The following SULT1B1 variants were observed in gnomAD, a reference collection of about 807,000 sequenced individuals.
The protein encoded by SULT1B1 is sulfotransferase family 1B member 1, also known as sulfotransferase 1B1.
Under a neutral mutation model 34.6 loss-of-function variants are expected in SULT1B1, and 28 were observed. The ratio of observed to expected loss-of-function variants is 0.81; its 90% CI spans 0.60 to 1.11. SULT1B1 has a LOEUF of 1.11. SULT1B1 is among the 50% of genes least tolerant of loss of function. The pLI is 0.00. For synonymous variants in SULT1B1, 147 were observed against 110.2 expected (o/e 1.33, Z -2.09); for missense variants, 374 against 352.2 (o/e 1.06, Z -0.50).
At chr4:69,758,512 C>T (rs776439678) in intron 1 of SULT1B1, 2 of 976,300 alleles carry the variant, frequency 2.0e-6, no homozygotes, top group Non-Finnish European at 2.4e-6. Context: ...ATCAATGGCA[C>T]ACCTCATTTC....
chr4:69,739,465 G>T (rs1354514106), intron 4 of SULT1B1, among the ~76,000 whole-genome samples: 1 of 152,212 alleles, frequency 6.6e-6, no homozygotes, highest in Non-Finnish European at 1.5e-5. Flanking sequence ...AGCCCAAGCT[G>T]TACATTGGCC....
intron 4 of SULT1B1, among the ~76,000 whole-genome samples, chr4:69,735,701 G>GA (rs1225238665): frequency 6.6e-6 from 1 of 152,098 alleles, no homozygotes. Context: ...AAATAAGCAA[G>GA]AAAAACAAAA....
At chr4:69,754,611 A>G in intron 3 of SULT1B1, 59 bp downstream of exon 3, 1 of 1,527,252 alleles carries the variant, frequency 6.5e-7, no homozygotes, top group Non-Finnish European at 8.9e-7. Context: ...CACATACAAT[A>G]ATGCATATGC....
At chr4:69,758,768 G>A (rs918088007) in intron 1 of SULT1B1, among the ~76,000 whole-genome samples, 2 of 151,978 alleles carry the variant, frequency 1.3e-5, no homozygotes, top group African/African-American at 4.8e-5. Flanking sequence ...ATCATTTCTG[G>A]TTCCATTTCA....
chr4:69,755,387 G>C (rs1719151041), intron 1 of SULT1B1, 126 bp from the exon 2 acceptor site: 3 of 656,626 alleles, frequency 4.6e-6, no homozygotes, highest in Non-Finnish European at 7.5e-6. Context: ...AAGTACAAAG[G>C]GCATATTTTG....
chr4:69,746,939 T>A (rs1718770943), intron 4 of SULT1B1, among the ~76,000 whole-genome samples: 1 of 152,220 alleles, frequency 6.6e-6, no homozygotes, highest in East Asian at 1.9e-4. Flanking sequence ...TTAGATTGTT[T>A]TCCTTTTTGG....
At chr4:69,751,220 C>T (rs1262967843) in intron 3 of SULT1B1, among the ~76,000 whole-genome samples, 1 of 152,178 alleles carries the variant, frequency 6.6e-6, no homozygotes, top group East Asian at 1.9e-4. Context: ...TCCTCCACAA[C>T]TCGTTATTAC....
chr4:69,747,213 C>T (rs958901867), intron 4 of SULT1B1, among the ~76,000 whole-genome samples: 1 of 152,130 alleles, frequency 6.6e-6, no homozygotes, highest in Non-Finnish European at 1.5e-5. Flanking sequence ...ACTTATGTAG[C>T]GATGGAGCAG....
At chr4:69,746,710 A>G (rs749465407) in intron 4 of SULT1B1, among the ~76,000 whole-genome samples, 13 of 152,278 alleles carry the variant, frequency 8.5e-5, no homozygotes, top group Middle Eastern at 6.8e-3. Context: ...AACAATTTCA[A>G]TCTGGCTAAC....
At chr4:69,742,632 G>A (rs1056868945) in intron 4 of SULT1B1, among the ~76,000 whole-genome samples, 10 of 152,118 alleles carry the variant, frequency 6.6e-5, no homozygotes, top group Non-Finnish European at 8.8e-5. Context: ...TTCACCAGCC[G>A]GAAACCTCTG....
intron 4 of SULT1B1, among the ~76,000 whole-genome samples, chr4:69,742,272 A>G (rs1341839574): frequency 1.3e-5 from 2 of 152,072 alleles, no homozygotes; most frequent in Non-Finnish European, 2.9e-5. Context: ...TCAGTTTGCT[A>G]GTATTTTGTT....
intron 7 of SULT1B1, among the ~76,000 whole-genome samples, chr4:69,730,081 A>G (rs981706580): frequency 3.1e-4 from 47 of 152,196 alleles, no homozygotes; most frequent in African/African-American, 1.1e-3. Context: ...TAATACAATT[A>G]CCATGGTTTT....
rs1718745425 is a variant in SULT1B1, at chr4:69,746,349, C to T, written c.375+3372G>A. On this transcript the variant is annotated intron_variant, in intron 4 of 7. Coordinates refer to ENST00000310613, the MANE Select transcript of SULT1B1 (RefSeq NM_014465.4). ...ATCTCTTTTAGAAATTCCAGTGAGT[C>T]ACAGGTTTGGTGTCTATATAATCCC... Among the ~76,000 whole-genome samples, 4 of 152,138 alleles carry T rather than the reference C, an allele frequency of 2.6e-5. No individual in the cohort carries two copies. The South Asian group carries it at 8.3e-4, about 32-fold the overall frequency.
chr4:69,738,428 T>C (rs1560524297), intron 4 of SULT1B1, among the ~76,000 whole-genome samples: 1 of 152,152 alleles, frequency 6.6e-6, no homozygotes, highest in Non-Finnish European at 1.5e-5. Flanking sequence ...GGTACCTTCT[T>C]CACAGGGTGA....
At chr4:69,744,909 CT>C (rs1752786869) in intron 4 of SULT1B1, among the ~76,000 whole-genome samples, 1 of 152,106 alleles carries the variant, frequency 6.6e-6, no homozygotes, top group Non-Finnish European at 1.5e-5. Flanking sequence ...CTCAAAGATT[CT>C]GATATGTTGT....
At chr4:69,737,801 G>A (rs34287559) in intron 4 of SULT1B1, among the ~76,000 whole-genome samples, 44,755 of 151,922 alleles carry the variant, frequency 0.29, 7,657 homozygotes, top group South Asian at 0.45. Flanking sequence ...AACGAGATAT[G>A]AAAGAACAAA....
intron 4 of SULT1B1, among the ~76,000 whole-genome samples, chr4:69,743,038 C>G (rs1208714914): frequency 6.6e-6 from 1 of 152,158 alleles, no homozygotes; most frequent in Non-Finnish European, 1.5e-5. Flanking sequence ...TCAGGGAGCT[C>G]CTAGGTTTGG....
rs1491118807 is a variant in SULT1B1 at position 69,726,081 on chromosome 4, TAA to T, written c.*1005_*1006del. ...ATATATATATATATATATATATATA[TAA>T]ATGTTCCAAGAAAACATAGATCAGA... On this transcript the variant is annotated 3_prime_UTR_variant, in exon 8 of 8. Coordinates refer to ENST00000310613, the MANE Select transcript of SULT1B1 (RefSeq NM_014465.4). 16 of 105,516 alleles carry T rather than the reference TAA, an allele frequency of 1.5e-4. No homozygotes were observed. The highest frequency in any genetic ancestry group is 3.7e-4 in the African/African-American group (10 of 27,334). 6.5% of individuals were successfully genotyped at this position (105,516 alleles called of 1,614,324 possible). A position where few individuals can be genotyped will look rare whatever the true frequency, so the allele number is the denominator to read the frequency against.
intron 3 of SULT1B1, 29 bp downstream of exon 3, chr4:69,754,641 A>G: frequency 6.2e-7 from 1 of 1,604,432 alleles, no homozygotes; most frequent in South Asian, 1.1e-5. Flanking sequence ...AATATTACAA[A>G]ATAATAATTC....
Sources: gnomAD v4.1 joint callset for allele counts (sites outside exome capture counted in the v4.1 genomes callset) on GRCh38, gnomAD v4.1.1 for gene constraint, MANE v1.5 for transcripts, NCBI Gene and HGNC (gene_info 2026-07-23, HGNC 2026-07-21) for gene names.